The following CNGB1 variants were observed in gnomAD, a reference collection of about 807,000 sequenced individuals.
CNGB1 encodes cyclic nucleotide-gated channel beta-1.
A neutral mutation model predicts 151.7 loss-of-function variants in CNGB1; 126 were observed. The ratio of observed to expected loss-of-function variants is 0.83; its 90% CI spans 0.72 to 0.96. The LOEUF (loss-of-function observed/expected upper bound fraction) is 0.96, where lower values mean the gene tolerates loss of function less well. Ranked by LOEUF, CNGB1 falls within the 40% of genes least tolerant of loss-of-function variation. The probability of loss-of-function intolerance (pLI) is 0.00; values close to 1 mark genes in which losing one functional copy is unlikely to be tolerated. For missense variants in CNGB1, 1,698 were observed against 1,627.0 expected (o/e 1.04, Z -0.75); for synonymous variants, 623 against 635.1 (o/e 0.98, Z 0.29).
intron 25 of CNGB1, among the ~76,000 whole-genome samples, chr16:57,905,106 A>AT (rs1960510783): frequency 6.6e-6 from 1 of 152,178 alleles, no homozygotes. Context: ...ACATGTTGCC[A>AT]TCCCCATTTA....
chr16:57,922,755 T>C (rs532561634), intron 18 of CNGB1, among the ~76,000 whole-genome samples: 3 of 152,302 alleles, frequency 2.0e-5, no homozygotes, highest in Non-Finnish European at 4.4e-5. Flanking sequence ...CTAAACATTG[T>C]TCTGCAGGCC....
Position 57,915,295 on chromosome 16 carries a change from A to T in CNGB1, c.2258T>A (p.Leu753Ter). The stretch of plus-strand genomic sequence containing the variant: ...GAGGAGGGGGTTCACACCGACTTTC[A>T]AATAGAGAAAATCCAAGGGCAGGAG... The part of the protein sequence containing the change: ...LSLLPLDFLY[L>*]KVGVNPLLRL... Residue 753 changes from leucine to a stop codon, truncating the protein, a stop_gained, in exon 23 of 33, where the codon TTG becomes TAG. Coordinates refer to ENST00000251102, the MANE Select transcript of CNGB1 (RefSeq NM_001297.5). LOFTEE classifies it high-confidence loss of function. 1 of 1,614,054 alleles carries T rather than the reference A, an allele frequency of 6.2e-7. No individual in the cohort carries two copies. Among genetic ancestry groups the T allele is most frequent in the South Asian group, 1.1e-5 (1 of 91,072 alleles).
intron 12 of CNGB1, among the ~76,000 whole-genome samples, chr16:57,956,415 G>A (rs751619670): frequency 2.6e-5 from 4 of 152,158 alleles, no homozygotes; most frequent in Admixed American, 6.5e-5. Context: ...CAACCCTAAC[G>A]CCCCCCACGC....
intron 12 of CNGB1, chr16:57,954,837 C>A (rs943979585): frequency 3.0e-6 from 3 of 993,272 alleles, no homozygotes; most frequent in African/African-American, 1.7e-5. Context: ...AGGTACCACA[C>A]TGGGGGCTGT....
chr16:57,895,425 G>A (rs1960195384), intron 31 of CNGB1, among the ~76,000 whole-genome samples: 1 of 151,856 alleles, frequency 6.6e-6, no homozygotes. Flanking sequence ...AATGAATTCT[G>A]TGGTGCTGGA....
At chr16:57,951,142 C>T (rs1961939249) in intron 12 of CNGB1, among the ~76,000 whole-genome samples, 1 of 152,204 alleles carries the variant, frequency 6.6e-6, no homozygotes, top group Admixed American at 6.5e-5. Flanking sequence ...TAATTTTCAA[C>T]ACTTCTTCAA....
chr16:57,919,002 T>A lies in CNGB1; in HGVS notation c.1957+97A>T, dbSNP rs546831463. The A allele has an allele frequency of 7.8e-5, 123 of 1,585,284 alleles. No homozygotes were observed. The African/African-American group carries it at 1.5e-3, about 19-fold the overall frequency. ...AACCCAGGTTGTCTGTGGCCTCCCATCCCACCTCTTGAATCCCCTGACCCT... is the reference window on the plus strand; with the variant it reads ...AACCCAGGTTGTCTGTGGCCTCCCAACCCACCTCTTGAATCCCCTGACCCT... On this transcript the variant is annotated intron_variant, in intron 20 of 32. Coordinates refer to ENST00000251102, the MANE Select transcript of CNGB1 (RefSeq NM_001297.5).
intron 12 of CNGB1, among the ~76,000 whole-genome samples, chr16:57,955,892 T>C (rs1417507573): frequency 6.6e-6 from 1 of 152,210 alleles, no homozygotes; most frequent in Non-Finnish European, 1.5e-5. Context: ...CCTGGACTTC[T>C]GGCTCCTGAA....
In CNGB1 at chr16:57,960,892, C is replaced by T; in HGVS notation, c.482G>A (p.Trp161Ter). 1 of 1,614,156 alleles carries T rather than the reference C, an allele frequency of 6.2e-7. No individual in the cohort carries two copies. The highest frequency in any genetic ancestry group is 8.5e-7 in the Non-Finnish European group (1 of 1,180,016). Residue 161 changes from tryptophan (W) to a stop codon, truncating the protein, a stop_gained, in exon 8 of 33, where the codon TGG (tryptophan) becomes TAG (stop). Transcript: ENST00000251102. LOFTEE classifies it high-confidence loss of function. ...DTRPGLRLLL[W>*]LEQNLERVLP... is the part of the protein sequence containing the mutation. ...CACTCTTTCCAGATTCTGCTCCAGCCACAGAAGCAGCCGCAGCCCAGGCCT... is the reference window on the plus strand; with the variant it reads ...CACTCTTTCCAGATTCTGCTCCAGCTACAGAAGCAGCCGCAGCCCAGGCCT...
chr16:57,894,455 G>T (rs2096431519), intron 31 of CNGB1, among the ~76,000 whole-genome samples: 1 of 152,164 alleles, frequency 6.6e-6, no homozygotes. Flanking sequence ...ACAAAAATTA[G>T]CTGGGAATGG....
rs1214762493 is a variant in CNGB1, at chr16:57,901,579, G to A, written c.2841C>T (p.Asp947=). The A allele has an allele frequency of 2.5e-6, 4 of 1,614,014 alleles. No individual in the cohort carries two copies. Among genetic ancestry groups the A allele is most frequent in the Middle Eastern group, 1.6e-4 (1 of 6,064 alleles). Residue 947 remains aspartate (D), a synonymous_variant, in exon 28 of 33, where the codon GAC becomes GAT. Transcript: ENST00000251102. ...MVQLPDKMRL[D]LAIDVNYNIV... is the part of the protein sequence containing the mutation. ...TGTTGTAGTTCACGTCGATGGCGAG[G>A]TCCAGCCGCATCTTGTCTGGAAGCT...
chr16:57,937,876 GCTGGGATGAGGC>G (rs1184660177), intron 16 of CNGB1, among the ~76,000 whole-genome samples: 2 of 152,166 alleles, frequency 1.3e-5, no homozygotes, highest in Non-Finnish European at 2.9e-5. Context: ...TGACTTAATG[GCTGGGATGAGGC>G]CTGGCAGCAG....
At chr16:57,901,062 G>A (rs1053208618) in intron 29 of CNGB1, among the ~76,000 whole-genome samples, 4 of 150,998 alleles carry the variant, frequency 2.6e-5, no homozygotes, top group Non-Finnish European at 5.9e-5. Context: ...GTGGAGTTGG[G>A]GGGGGGGTCT....
At chr16:57,916,022 C>T (rs533772475) in intron 22 of CNGB1, 107 bp downstream of exon 22, 76 of 1,055,616 alleles carry the variant, frequency 7.2e-5, no homozygotes, top group Non-Finnish European at 1.0e-4. Flanking sequence ...AGCATCCCTC[C>T]GTGTGGCAGA....
chr16:57,964,625 G>T (rs1359776301), intron 2 of CNGB1, 81 bp from the exon 3 acceptor site: 1 of 1,396,618 alleles, frequency 7.2e-7, no homozygotes, highest in East Asian at 2.3e-5. Flanking sequence ...TCTCCCTCAA[G>T]GGATCCCTGC....
At chr16:57,952,345 C>T (rs935302218) in intron 12 of CNGB1, among the ~76,000 whole-genome samples, 5 of 152,160 alleles carry the variant, frequency 3.3e-5, no homozygotes, top group Admixed American at 2.6e-4. Flanking sequence ...GCCCCACGAG[C>T]GCCTCACTGG....
intron 25 of CNGB1, among the ~76,000 whole-genome samples, chr16:57,909,607 T>C (rs1195947938): frequency 1.3e-5 from 2 of 152,208 alleles, no homozygotes; most frequent in African/African-American, 4.8e-5. Flanking sequence ...TAGGCTGGTC[T>C]CAAACTCTTG....
intron 1 of CNGB1, among the ~76,000 whole-genome samples, chr16:57,968,070 T>A (rs922985350): frequency 3.9e-5 from 6 of 152,346 alleles, no homozygotes; most frequent in Non-Finnish European, 5.9e-5. Context: ...AGCAAGAAGA[T>A]GTGCCTGCTC....
rs140907154 is a variant in CNGB1, at chr16:57,940,239, C to T, written c.1204G>A (p.Asp402Asn). ...EDGTRPQSTS[D>N]QKLWEEVGEE... The stretch of plus-strand genomic sequence containing the variant: ...GTGCCTGGTGCTTCTCATACCTGAT[C>T]TGAAGTGCTCTGGGGCCGGGTCCCG... Residue 402 changes from aspartate to asparagine, a missense_variant, in exon 15 of 33, where the codon GAT (aspartate) becomes AAT (asparagine). Asp to Asn is a conservative substitution (Grantham distance 23). Transcript: ENST00000251102. 2,043 of 1,566,278 alleles carry T rather than the reference C, an allele frequency of 1.3e-3. 30 individuals are homozygous for T. The Admixed American group carries it at 0.024, about 18-fold the overall frequency.
Sources: gnomAD v4.1 joint callset for allele counts (sites outside exome capture counted in the v4.1 genomes callset) on GRCh38, gnomAD v4.1.1 for gene constraint, MANE v1.5 for transcripts, NCBI Gene and HGNC (gene_info 2026-07-23, HGNC 2026-07-21) for gene names.